Variants in CUX1 observed in about 807,000 individuals in gnomAD.
CUX1 encodes protein CASP.
In CUX1, 31 loss-of-function variants were observed where a neutral mutation model predicts 158.8. The observed-to-expected ratio is 0.20, with a 90% confidence interval of 0.15 to 0.26. The LOEUF is 0.26. Ranked by LOEUF, CUX1 falls within the 10% of genes least tolerant of loss-of-function variation. CUX1 has a pLI of 1.00. For synonymous variants in CUX1, 879 were observed against 862.1 expected (o/e 1.02, Z -0.34); for missense variants, 1,589 against 2,014.6 (o/e 0.79, Z 4.04).
intron 22 of CUX1, 25 bp from the exon 23 acceptor site, chr7:102,239,292 CCTT>C: frequency 6.3e-7 from 1 of 1,586,306 alleles, no homozygotes; most frequent in South Asian, 1.1e-5. Flanking sequence ...CTGGGCCTGA[CCTT>C]AGTCTGCCAT....
At chr7:102,193,760 C>T in intron 12 of CUX1, 82 bp from the exon 13 acceptor site, 2 of 1,424,816 alleles carry the variant, frequency 1.4e-6, no homozygotes, top group Non-Finnish European at 1.9e-6. Context: ...CAATATCGCG[C>T]CACTGCACTC....
intron 2 of CUX1, among the ~76,000 whole-genome samples, chr7:102,000,080 G>A (rs1235021211): frequency 6.6e-6 from 1 of 152,202 alleles, no homozygotes; most frequent in Non-Finnish European, 1.5e-5. Flanking sequence ...GCTAGGCGTG[G>A]TAGCAGGCAA....
intron 2 of CUX1, among the ~76,000 whole-genome samples, chr7:102,000,080 G>T (rs1235021211): frequency 6.6e-6 from 1 of 152,202 alleles, no homozygotes; most frequent in Non-Finnish European, 1.5e-5. Context: ...GCTAGGCGTG[G>T]TAGCAGGCAA....
Position 102,201,438 on chromosome 7 carries a change from G to A in CUX1, c.2141G>A (p.Arg714His), listed in dbSNP as rs139050177. 1.1e-5 allele frequency: 17 copies of A among 1,614,074 alleles called. No individual in the cohort carries two copies. The highest frequency in any genetic ancestry group is 5.5e-5 in the South Asian group (5 of 91,088). The change falls in exon 18 of 24, where the codon CGC becomes CAC. Residue 714 changes from arginine (R) to histidine (H), a missense_variant. Physicochemically the swap from Arg to His is conservative, Grantham distance 29 (BLOSUM62 0). Coordinates refer to ENST00000292535, the MANE Select transcript of CUX1 (RefSeq NM_181552.4). The surrounding 1 kb of genome is among the most constrained non-coding windows in gnomAD (Gnocchi z 5.0). ...DAIRSILQQA[R>H]REMEAQQAAL... ...ATCCGCTCCATCCTGCAGCAAGCCC[G>A]CCGGGAGATGGAGGCCCAGCAGGCT...
At chr7:102,141,789 ATTTTTTT>A (rs71123009) in intron 8 of CUX1, among the ~76,000 whole-genome samples, 235 of 102,572 alleles carry the variant, frequency 2.3e-3, no homozygotes, top group African/African-American at 8.4e-3. Flanking sequence ...CTCTCAGCTA[ATTTTTTT>A]TTTTTTTTTT....
At chr7:101,964,361 G>A (rs1810882620) in intron 2 of CUX1, among the ~76,000 whole-genome samples, 1 of 151,976 alleles carries the variant, frequency 6.6e-6, no homozygotes, top group South Asian at 2.1e-4. Context: ...TCAAAAAAAA[G>A]GTGAAAGAAA....
intron 21 of CUX1, among the ~76,000 whole-genome samples, chr7:102,229,513 C>T (rs1009241477): frequency 1.3e-5 from 2 of 150,602 alleles, no homozygotes; most frequent in Non-Finnish European, 3.0e-5. Context: ...GGTTTCACCA[C>T]GTTGGCCAGG....
chr7:102,204,254 G>A (rs1461855525), intron 18 of CUX1, 137 bp from the exon 19 acceptor site: 20 of 1,119,000 alleles, frequency 1.8e-5, no homozygotes, highest in Admixed American at 6.6e-5. Context: ...AGCTGTCACC[G>A]CCACCAGGCC....
chr7:101,920,053 G>A (rs372342721), intron 2 of CUX1, among the ~76,000 whole-genome samples: 1 of 152,112 alleles, frequency 6.6e-6, no homozygotes, highest in Non-Finnish European at 1.5e-5. Flanking sequence ...TCAGTGTCCC[G>A]AGTAGCTGGG....
chr7:102,189,557 T>C (rs1239273464), intron 11 of CUX1, among the ~76,000 whole-genome samples: 2 of 152,074 alleles, frequency 1.3e-5, no homozygotes, highest in African/African-American at 4.8e-5. Context: ...CACCACACCC[T>C]TCATTCTGCT....
chr7:102,209,187 C>T (rs1586226163), intron 20 of CUX1, among the ~76,000 whole-genome samples: 1 of 152,162 alleles, frequency 6.6e-6, no homozygotes, highest in Non-Finnish European at 1.5e-5. Context: ...GGCTCTGTTG[C>T]CTTGTCTGTC....
intron 4 of CUX1, among the ~76,000 whole-genome samples, chr7:102,084,320 T>C (rs1203612595): frequency 1.3e-5 from 2 of 149,096 alleles, no homozygotes; most frequent in Non-Finnish European, 3.0e-5. Context: ...AATGTTTATA[T>C]AATAATAATA....
intron 1 of CUX1, among the ~76,000 whole-genome samples, chr7:101,836,016 C>T (rs1396458164): frequency 2.0e-5 from 3 of 152,236 alleles, no homozygotes; most frequent in Non-Finnish European, 4.4e-5. Flanking sequence ...GCGCGAGCCA[C>T]CGCGCCCAGT....
intron 6 of CUX1, among the ~76,000 whole-genome samples, 158 bp downstream of exon 6, chr7:102,104,617 T>C (rs1830142443): frequency 1.3e-5 from 2 of 151,982 alleles, no homozygotes; most frequent in African/African-American, 4.8e-5. Flanking sequence ...TCTGGCTGGG[T>C]GTGGTGGCTC....
Position 102,251,276 on chromosome 7 carries a change from G to A in CUX1, c.*2234G>A. On this transcript the variant is annotated 3_prime_UTR_variant, in exon 24 of 24. Coordinates refer to ENST00000292535, the MANE Select transcript of CUX1 (RefSeq NM_181552.4). ...GGTGGGAGGGAGTTATAATTTTAAA[G>A]GTATGCTCTGGCTGTTCCACCTCCG... 4.1e-6 allele frequency: 4 copies of A among 984,918 alleles called. No individual in the cohort carries two copies. The highest frequency in any genetic ancestry group is 4.8e-6 in the Non-Finnish European group (4 of 829,706). 61.0% of individuals were successfully genotyped at this position (984,918 alleles called of 1,614,324 possible). A position where few individuals can be genotyped will look rare whatever the true frequency, so the allele number is the denominator to read the frequency against.
chr7:102,030,120 T>G (rs1413778471), intron 3 of CUX1, among the ~76,000 whole-genome samples: 2 of 152,088 alleles, frequency 1.3e-5, no homozygotes, highest in South Asian at 4.1e-4. Context: ...TAAGCAATTC[T>G]CCTGCCTCAG....
intron 1 of CUX1, among the ~76,000 whole-genome samples, chr7:101,895,120 A>C (rs1801332095): frequency 6.6e-6 from 1 of 152,100 alleles, no homozygotes; most frequent in Non-Finnish European, 1.5e-5. Flanking sequence ...TCCTGGGTTC[A>C]AGCAGTTCTC....
intron 1 of CUX1, among the ~76,000 whole-genome samples, chr7:101,836,684 CAAAAA>C (rs71755816): frequency 1.3e-5 from 1 of 77,806 alleles, no homozygotes; most frequent in Non-Finnish European, 2.4e-5. Flanking sequence ...GACTCCTTCT[CAAAAA>C]AAAAAAAAAA....
chr7:102,202,295 A>T, intron 18 of CUX1, 91 bp downstream of exon 18: 2 of 1,488,902 alleles, frequency 1.3e-6, no homozygotes, highest in Non-Finnish European at 1.8e-6. Flanking sequence ...ACCCTCACCC[A>T]TTTCAATTCA....
Sources: gnomAD v4.1 joint callset for allele counts (sites outside exome capture counted in the v4.1 genomes callset) on GRCh38, gnomAD v4.1.1 for gene constraint, Gnocchi (gnomAD v3.1) non-coding constraint, MANE v1.5 for transcripts, NCBI Gene and HGNC (gene_info 2026-07-23, HGNC 2026-07-21) for gene names.